Variants in PAQR3 observed in about 807,000 individuals in gnomAD.
PAQR3 encodes the protein progestin and adipoQ receptor family member 3.
Under a neutral mutation model 41.7 loss-of-function variants are expected in PAQR3, and 39 were observed. The ratio of observed to expected loss-of-function variants is 0.93; its 90% confidence interval spans 0.72 to 1.22. The LOEUF is 1.22. Ranked by LOEUF, PAQR3 falls within the 50% of genes most tolerant of loss-of-function variation. The pLI is 0.00. For missense variants in PAQR3, 366 were observed against 385.6 expected (o/e 0.95, Z 0.42); for synonymous variants, 140 against 140.6 (o/e 1.00, Z 0.03).
rs1351866906 is a variant in PAQR3 at position 78,918,193 on chromosome 4, T to C, written c.*2346A>G. The C allele has an allele frequency of 2.1e-6, 2 of 940,196 alleles. No individual in the cohort carries two copies. Among genetic ancestry groups the C allele is most frequent in the Admixed American group, 6.3e-5 (1 of 15,986 alleles). 58.2% of individuals were successfully genotyped at this position (940,196 alleles called of 1,614,324 possible). On this transcript the variant is annotated 3_prime_UTR_variant, in exon 6 of 6. Coordinates refer to ENST00000512733, the MANE Select transcript of PAQR3 (RefSeq NM_001040202.2). The stretch of plus-strand genomic sequence containing the variant: ...TTTTATAGTTCACACATTGGTAAAA[T>C]TAAAACCAGTCTTTTTTAGTAATAA...
intron 5 of PAQR3, chr4:78,921,556 C>T (rs983912148): frequency 5.6e-6 from 4 of 708,216 alleles, no homozygotes; most frequent in Non-Finnish European, 3.5e-6. Context: ...TTTTAAAAAA[C>T]AAAACACAGA....
downstream of PAQR3, chr4:78,910,974 T>G (rs762434012): frequency 8.7e-6 from 14 of 1,613,492 alleles, no homozygotes; most frequent in South Asian, 1.4e-4. Flanking sequence ...ATGAGCAGGC[T>G]AAAGCAAAGT....
chr4:78,922,312 T>A, intron 5 of PAQR3: 1 of 1,283,606 alleles, frequency 7.8e-7, no homozygotes, highest in South Asian at 1.2e-5. Flanking sequence ...AAGGAATGCC[T>A]GAGGATCTGT....
intron 5 of PAQR3, chr4:78,921,767 G>C: frequency 1.0e-6 from 1 of 984,414 alleles, no homozygotes; most frequent in South Asian, 4.7e-5. Flanking sequence ...ATGAGGACTT[G>C]CCAGAGATAG....
chr4:78,888,572 T>C (rs908522501), intron 11 of PAQR3, among the ~76,000 whole-genome samples: 3 of 152,184 alleles, frequency 2.0e-5, no homozygotes, highest in African/African-American at 4.8e-5. Flanking sequence ...TTTAATAGCA[T>C]CTGAAAGAAC....
chr4:78,916,628 T>C lies in PAQR3; in HGVS notation c.*3911A>G, dbSNP rs1735103473. The C allele has an allele frequency of 6.6e-6, 1 of 151,940 alleles. No individual in the cohort carries two copies. Among genetic ancestry groups the C allele is most frequent in the Non-Finnish European group, 1.5e-5 (1 of 67,856 alleles). The allele number at this position is 151,940 out of a possible 1,614,324, so 9.4% of individuals were successfully genotyped here. A position where few individuals can be genotyped will look rare whatever the true frequency, so the allele number is the denominator to read the frequency against. Reference sequence around the variant, plus strand: ...GACTTTTTCAGTGAGTCATAATTACTGATACTCGAGTGATGACAGTAAGGC... The same window carrying C: ...GACTTTTTCAGTGAGTCATAATTACCGATACTCGAGTGATGACAGTAAGGC... On this transcript the variant is annotated 3_prime_UTR_variant, in exon 6 of 6. Coordinates refer to ENST00000512733, the MANE Select transcript of PAQR3 (RefSeq NM_001040202.2).
chr4:78,930,052 ACT>A, intron 3 of PAQR3, 116 bp downstream of exon 3: 1 of 926,310 alleles, frequency 1.1e-6, no homozygotes, highest in South Asian at 2.0e-5. Flanking sequence ...CTTATACGAG[ACT>A]CTTCTATTTA....
Position 78,918,803 on chromosome 4 carries a change from T to C in PAQR3, c.*1736A>G. The C allele has an allele frequency of 1.0e-6, 1 of 984,770 alleles. No individual in the cohort carries two copies. The highest frequency in any genetic ancestry group is 1.2e-6 in the Non-Finnish European group (1 of 829,454). 61.0% of individuals were successfully genotyped at this position (984,770 alleles called of 1,614,324 possible). On this transcript the variant is annotated 3_prime_UTR_variant, in exon 6 of 6. Transcript: ENST00000512733. ...AGTGTAACTACTCAGTGTCTTTTGT[T>C]TGGCCAAAATGACAAAATATCTATT...
downstream of PAQR3, among the ~76,000 whole-genome samples, chr4:78,910,124 T>C (rs1734506794): frequency 1.3e-5 from 2 of 152,132 alleles, no homozygotes; most frequent in Non-Finnish European, 2.9e-5. Flanking sequence ...TTATAAAAAA[T>C]ACAATGCTGA....
At position 78,912,379 on chromosome 4, in the gene PAQR3, T is replaced by C. The variant is rs559273275; in HGVS notation, c.*8160A>G. 194 of 197,244 alleles carry C rather than the reference T, an allele frequency of 9.8e-4. No individual in the cohort carries two copies. The highest frequency in any genetic ancestry group is 1.8e-3 in the Non-Finnish European group (174 of 97,686). The allele number at this position is 197,244 out of a possible 1,614,324, so 12.2% of individuals were successfully genotyped here. A position where few individuals can be genotyped will look rare whatever the true frequency, so the allele number is the denominator to read the frequency against. On this transcript the variant is annotated 3_prime_UTR_variant, in exon 6 of 6. Transcript: ENST00000512733. Reference sequence around the variant, plus strand: ...GACAGTGAAACTGTTATTTTTGATATCAGAATGTCATTTTTATGTGCATAT... The same window carrying C: ...GACAGTGAAACTGTTATTTTTGATACCAGAATGTCATTTTTATGTGCATAT...
At chr4:78,909,928 A>G (rs997921408), downstream of PAQR3, among the ~76,000 whole-genome samples, 1 of 151,970 alleles carries the variant, frequency 6.6e-6, no homozygotes, top group Admixed American at 6.6e-5. Flanking sequence ...AGCTAAAAAC[A>G]TCTCCAGATG....
rs528282679 is a variant in PAQR3, at chr4:78,913,681, C to G, written c.*6858G>C. 1 of 152,122 alleles carries G rather than the reference C, an allele frequency of 6.6e-6. No individual in the cohort carries two copies. Among genetic ancestry groups the G allele is most frequent in the Admixed American group, 6.6e-5 (1 of 15,266 alleles). 9.4% of individuals were successfully genotyped at this position (152,122 alleles called of 1,614,324 possible). A position where few individuals can be genotyped will look rare whatever the true frequency, so the allele number is the denominator to read the frequency against. Reference sequence around the variant, plus strand: ...AAGCTATTTGCCTATTTTCACAGTTCTGAACTTGGAAAGAAGCAAAGTATA... The same window carrying G: ...AAGCTATTTGCCTATTTTCACAGTTGTGAACTTGGAAAGAAGCAAAGTATA... On this transcript the variant is annotated 3_prime_UTR_variant, in exon 6 of 6. Coordinates refer to ENST00000512733, the MANE Select transcript of PAQR3 (RefSeq NM_001040202.2).
chr4:78,890,404 G>GCGCA (rs1553920701), intron 11 of PAQR3, among the ~76,000 whole-genome samples: 2 of 147,968 alleles, frequency 1.4e-5, no homozygotes, highest in African/African-American at 4.9e-5. Flanking sequence ...ACAATCATGC[G>GCGCA]CACACACACA....
intron 3 of PAQR3, 80 bp from the exon 4 acceptor site, chr4:78,926,798 CA>C (rs1736287450): frequency 3.2e-6 from 4 of 1,243,388 alleles, no homozygotes; most frequent in Non-Finnish European, 3.5e-6. Flanking sequence ...TTTTACACTA[CA>C]AATTCCAAAG....
At chr4:78,922,430 AG>A in intron 5 of PAQR3, 1 of 1,288,724 alleles carries the variant, frequency 7.8e-7, no homozygotes, top group Non-Finnish European at 1.0e-6. Context: ...TTCTTAACCC[AG>A]GAAGAAGAGG....
chr4:78,936,420 C>G (rs982222465), intron 1 of PAQR3, among the ~76,000 whole-genome samples: 1 of 152,110 alleles, frequency 6.6e-6, no homozygotes, highest in African/African-American at 2.4e-5. Context: ...ATGGAATTTC[C>G]TATTTGCTTT....
Position 78,937,074 on chromosome 4 carries a change from C to T in PAQR3, c.186-1791G>A, listed in dbSNP as rs190559696. ...TATCTTAAGCATACCCTGAGAATGA[C>T]CCTATATGAAAAACACACTTGAATG... On this transcript the variant is annotated intron_variant, in intron 1 of 5. Coordinates refer to ENST00000512733, the MANE Select transcript of PAQR3 (RefSeq NM_001040202.2). Among the ~76,000 whole-genome samples the T allele has an allele frequency of 5.0e-4, 76 of 152,288 alleles. 1 individual carries two copies. The highest frequency in any genetic ancestry group is 3.4e-3 in the Middle Eastern group (1 of 294).
At position 78,920,161 on chromosome 4, in the gene PAQR3, CTGAAAATAAT is replaced by C. The variant is rs1735508088; in HGVS notation, c.*368_*377del. On this transcript the variant is annotated 3_prime_UTR_variant, in exon 6 of 6. Coordinates refer to ENST00000512733, the MANE Select transcript of PAQR3 (RefSeq NM_001040202.2). ...TTAGGCACTTAAACTTGACAATTAA[CTGAAAATAAT>C]TAAGCACATAAGATGACTCCATTTT... 3.0e-6 allele frequency: 3 copies of C among 990,118 alleles called. No homozygotes were observed. In the South Asian group the frequency reaches 1.4e-4, roughly 46 times the overall value. The allele number at this position is 990,118 out of a possible 1,614,324, so 61.3% of individuals were successfully genotyped here.
At position 78,912,336 on chromosome 4, in the gene PAQR3, G is replaced by A; in HGVS notation, c.*8203C>T. On this transcript the variant is annotated 3_prime_UTR_variant, in exon 6 of 6. Transcript: ENST00000512733. Reference sequence around the variant, plus strand: ...GAAAGCACATGGCACCTTTCTAGGTGTGTAGCCACTGAGAAGGGACAGTGA... The same window carrying A: ...GAAAGCACATGGCACCTTTCTAGGTATGTAGCCACTGAGAAGGGACAGTGA... The A allele has an allele frequency of 3.5e-6, 1 of 286,164 alleles. No individual in the cohort carries two copies. Among genetic ancestry groups the A allele is most frequent in the East Asian group, 6.3e-5 (1 of 15,798 alleles). 17.7% of individuals were successfully genotyped at this position (286,164 alleles called of 1,614,324 possible).
Sources: allele counts gnomAD v4.1 joint callset (sites outside exome capture counted in the v4.1 genomes callset), GRCh38; gene constraint gnomAD v4.1.1; transcripts MANE v1.5; gene names NCBI Gene and HGNC (gene_info 2026-07-23, HGNC 2026-07-21).